Variants in STXBP5L observed in about 807,000 individuals in gnomAD.
STXBP5L encodes the protein syntaxin binding protein 5L.
A neutral mutation model predicts 144.5 loss-of-function variants in STXBP5L; 65 were observed. The observed-to-expected ratio is 0.45, with a 90% confidence interval of 0.37 to 0.55. STXBP5L has a LOEUF of 0.55. STXBP5L is among the 20% of genes least tolerant of loss of function. STXBP5L has a pLI of 0.00. For synonymous variants in STXBP5L, 505 were observed against 469.6 expected (o/e 1.08, Z -0.97); for missense variants, 1,298 against 1,405.5 (o/e 0.92, Z 1.22).
intron 10 of STXBP5L, among the ~76,000 whole-genome samples, chr3:121,210,094 T>A (rs1242448792): frequency 6.6e-6 from 1 of 152,098 alleles, no homozygotes; most frequent in Non-Finnish European, 1.5e-5. Flanking sequence ...CTCCAGCACC[T>A]GTTGTTTCCT....
chr3:121,006,089 T>A (rs142485723), intron 3 of STXBP5L, among the ~76,000 whole-genome samples: 6,051 of 152,252 alleles, frequency 0.04, 170 homozygotes, highest in Middle Eastern at 0.082. Context: ...AGAGCTGAGT[T>A]CAATTCCTGG....
At chr3:121,361,710 T>A (rs2108639848) in intron 20 of STXBP5L, among the ~76,000 whole-genome samples, 1 of 152,166 alleles carries the variant, frequency 6.6e-6, no homozygotes, top group South Asian at 2.1e-4. Context: ...ATCTCGAATT[T>A]TTTTTTTTAG....
chr3:121,081,373 ATTTC>A (rs1437297577), intron 5 of STXBP5L, among the ~76,000 whole-genome samples: 3 of 151,714 alleles, frequency 2.0e-5, no homozygotes, highest in African/African-American at 7.3e-5. Context: ...TGTTTTTTAA[ATTTC>A]TTTCTGCTCT....
At chr3:121,042,192 C>T (rs916942045) in intron 4 of STXBP5L, among the ~76,000 whole-genome samples, 43 of 151,728 alleles carry the variant, frequency 2.8e-4, no homozygotes, top group African/African-American at 9.7e-4. Flanking sequence ...ACGTATGGGC[C>T]CTTTTATCTG....
intron 5 of STXBP5L, among the ~76,000 whole-genome samples, chr3:121,100,535 A>G (rs1247918294): frequency 1.3e-5 from 2 of 152,130 alleles, no homozygotes; most frequent in Non-Finnish European, 2.9e-5. Context: ...AAAAGAAATT[A>G]TTTGACATAA....
At chr3:121,185,145 C>A (rs2047323122) in intron 9 of STXBP5L, among the ~76,000 whole-genome samples, 1 of 152,006 alleles carries the variant, frequency 6.6e-6, no homozygotes, top group Non-Finnish European at 1.5e-5. Flanking sequence ...GAAGAAACTG[C>A]AACTTGTAAA....
chr3:121,082,932 C>T (rs1050464099), intron 5 of STXBP5L, among the ~76,000 whole-genome samples: 1 of 152,158 alleles, frequency 6.6e-6, no homozygotes, highest in African/African-American at 2.4e-5. Context: ...GGCGTGGTGG[C>T]TCATGCCTGT....
chr3:121,354,255 T>G (rs1576265600), intron 20 of STXBP5L, among the ~76,000 whole-genome samples: 1 of 152,164 alleles, frequency 6.6e-6, no homozygotes, highest in African/African-American at 2.4e-5. Flanking sequence ...TCTGTCTCAT[T>G]GATCTGCCTA....
intron 22 of STXBP5L, among the ~76,000 whole-genome samples, chr3:121,385,990 A>G (rs1237650926): frequency 6.6e-6 from 1 of 152,208 alleles, no homozygotes; most frequent in East Asian, 1.9e-4. Flanking sequence ...CTAAACCTTG[A>G]TGAAAAACTT....
At chr3:121,076,869 C>T (rs1335114763) in intron 5 of STXBP5L, among the ~76,000 whole-genome samples, 1 of 152,164 alleles carries the variant, frequency 6.6e-6, no homozygotes, top group East Asian at 1.9e-4. Context: ...ATCCACCAGA[C>T]TGGGTCCTAT....
intron 10 of STXBP5L, among the ~76,000 whole-genome samples, chr3:121,214,683 G>T (rs2048708427): frequency 6.6e-6 from 1 of 152,162 alleles, no homozygotes; most frequent in Admixed American, 6.6e-5. Flanking sequence ...ATATTCTGTT[G>T]ATTTGTGGTG....
At chr3:121,024,904 T>C (rs1049688501) in intron 3 of STXBP5L, among the ~76,000 whole-genome samples, 1 of 152,164 alleles carries the variant, frequency 6.6e-6, no homozygotes, top group Admixed American at 6.5e-5. Context: ...CCCTGGTTTT[T>C]TGATCATGAA....
chr3:121,055,649 A>C (rs1025398800), intron 5 of STXBP5L, among the ~76,000 whole-genome samples: 1 of 149,158 alleles, frequency 6.7e-6, no homozygotes, highest in African/African-American at 2.5e-5. Flanking sequence ...TGCTGGGACT[A>C]TGGGCATGTG....
chr3:121,094,555 T>C (rs2043010796), intron 5 of STXBP5L, among the ~76,000 whole-genome samples: 1 of 152,086 alleles, frequency 6.6e-6, no homozygotes, highest in African/African-American at 2.4e-5. Context: ...TTGATCTTTG[T>C]TGGTTTAAAG....
intron 3 of STXBP5L, among the ~76,000 whole-genome samples, chr3:120,992,389 G>A (rs929029151): frequency 6.6e-6 from 1 of 151,968 alleles, no homozygotes; most frequent in African/African-American, 2.4e-5. Flanking sequence ...TTGAACATTA[G>A]ACCTCATTCC....
intron 10 of STXBP5L, among the ~76,000 whole-genome samples, chr3:121,212,888 C>G (rs1014993427): frequency 1.3e-5 from 2 of 152,038 alleles, no homozygotes; most frequent in African/African-American, 4.8e-5. Flanking sequence ...CTCTTATTTC[C>G]TTGAGCAGTG....
chr3:120,990,532 G>T (rs575479851), intron 3 of STXBP5L, among the ~76,000 whole-genome samples: 3 of 152,202 alleles, frequency 2.0e-5, no homozygotes, highest in South Asian at 4.2e-4. Flanking sequence ...AAAGCTGGAG[G>T]CATCACGCTA....
intron 3 of STXBP5L, among the ~76,000 whole-genome samples, chr3:120,957,759 G>GT (rs1361804043): frequency 1.3e-5 from 2 of 152,180 alleles, no homozygotes; most frequent in African/African-American, 2.4e-5. Context: ...ATTTAAAGCA[G>GT]TGTGTAGAGG....
At chr3:121,307,934 A>C (rs1161681619) in intron 19 of STXBP5L, among the ~76,000 whole-genome samples, 1 of 152,234 alleles carries the variant, frequency 6.6e-6, no homozygotes, top group Non-Finnish European at 1.5e-5. Context: ...TCTTGAAAGC[A>C]ATAAGAGAAA....
Sources: allele counts gnomAD v4.1 joint callset (sites outside exome capture counted in the v4.1 genomes callset), GRCh38; gene constraint gnomAD v4.1.1; transcripts MANE v1.5; gene names NCBI Gene and HGNC (gene_info 2026-07-23, HGNC 2026-07-21).